The following NCOA6 variants were observed in gnomAD, a reference collection of about 807,000 sequenced individuals.
The protein encoded by NCOA6 is NRC RAP250.
In NCOA6, 49 loss-of-function variants were observed where a neutral mutation model predicts 171.4. That is an observed-to-expected ratio of 0.29 (90% CI 0.23 to 0.36). The LOEUF (loss-of-function observed/expected upper bound fraction) is 0.36, where lower values mean the gene tolerates loss of function less well. Among genes scored for constraint, NCOA6 ranks in the 10% least tolerant of loss-of-function variants. The pLI, the probability that NCOA6 is intolerant of heterozygous loss-of-function variation, is 1.00. For missense variants in NCOA6, 2,248 were observed against 2,554.5 expected (o/e 0.88, Z 2.59); for synonymous variants, 910 against 927.5 (o/e 0.98, Z 0.34).
chr20:34,790,424 G>A (rs1042815396), intron 2 of NCOA6, among the ~76,000 whole-genome samples: 4 of 151,942 alleles, frequency 2.6e-5, no homozygotes, highest in East Asian at 1.9e-4. Flanking sequence ...GTGTGACCTC[G>A]GCTCACTGTA....
intron 1 of NCOA6, among the ~76,000 whole-genome samples, chr20:34,808,167 G>C (rs913160102): frequency 1.3e-5 from 2 of 150,520 alleles, no homozygotes; most frequent in Non-Finnish European, 3.0e-5. Context: ...AAAAAAAAAA[G>C]AAACAGTGTC....
At chr20:34,757,150 A>G in intron 7 of NCOA6, 70 bp downstream of exon 7, 1 of 1,444,512 alleles carries the variant, frequency 6.9e-7, no homozygotes, top group African/African-American at 1.4e-5. Context: ...CATTAACTCT[A>G]AAAACTGAAG....
intron 12 of NCOA6, 59 bp downstream of exon 12, chr20:34,736,631 G>A (rs1466131947): frequency 5.1e-6 from 7 of 1,374,658 alleles, no homozygotes; most frequent in Non-Finnish European, 7.1e-6. Context: ...GAGGACAGCA[G>A]TAGTTCCTTC....
intron 4 of NCOA6, among the ~76,000 whole-genome samples, chr20:34,772,963 C>A (rs1173460362): frequency 5.3e-5 from 8 of 152,164 alleles, no homozygotes; most frequent in Admixed American, 5.2e-4. Flanking sequence ...ATACTGCTAT[C>A]ATTCCCCTAT....
chr20:34,742,641 C>T lies in NCOA6; in HGVS notation c.3615G>A (p.Gln1205=). Residue 1205 remains glutamine (Q), a synonymous_variant, in exon 11 of 15, where the codon CAG becomes CAA. Transcript: ENST00000359003. ...TGTTTGGTGTTTTGGGCCTAGATGT[C>T]TGGGTTGGCGCAGCCACATTTGGGA... ...HHFPNVAAPT[Q]TSRPKTPNRA... 1.9e-6 allele frequency: 3 copies of T among 1,614,068 alleles called. No individual in the cohort carries two copies. The highest frequency in any genetic ancestry group is 2.5e-6 in the Non-Finnish European group (3 of 1,180,016).
chr20:34,767,108 T>C (rs2145948411), intron 5 of NCOA6, among the ~76,000 whole-genome samples: 1 of 152,314 alleles, frequency 6.6e-6, no homozygotes, highest in South Asian at 2.1e-4. Flanking sequence ...GCTACACTGC[T>C]CAGGGCTCTT....
At chr20:34,769,017 G>A (rs1021074153) in intron 4 of NCOA6, among the ~76,000 whole-genome samples, 7 of 152,090 alleles carry the variant, frequency 4.6e-5, no homozygotes, top group Non-Finnish European at 8.8e-5. Context: ...TAGGTTTAAA[G>A]AAGAAAGAAC....
intron 2 of NCOA6, among the ~76,000 whole-genome samples, chr20:34,787,133 A>C (rs1317276186): frequency 9.9e-5 from 15 of 151,860 alleles, no homozygotes; most frequent in Non-Finnish European, 2.1e-4. Flanking sequence ...AAAAAAAAAA[A>C]ACAACCCCAT....
intron 2 of NCOA6, among the ~76,000 whole-genome samples, chr20:34,790,076 A>AG (rs2146307045): frequency 7.1e-6 from 1 of 141,124 alleles, no homozygotes; most frequent in Non-Finnish European, 1.5e-5. Flanking sequence ...TCTACTATTA[A>AG]AAAAAAAAAA....
chr20:34,768,031 T>C (rs2077032526), intron 5 of NCOA6, among the ~76,000 whole-genome samples: 1 of 152,134 alleles, frequency 6.6e-6, no homozygotes, highest in South Asian at 2.1e-4. Flanking sequence ...TAAAAACACA[T>C]ATTCTCTCAG....
intron 14 of NCOA6, among the ~76,000 whole-genome samples, chr20:34,720,605 C>T (rs1001466841): frequency 6.6e-6 from 1 of 152,218 alleles, no homozygotes; most frequent in Non-Finnish European, 1.5e-5. Flanking sequence ...ATGAAAAACA[C>T]AGAATGTCTC....
intron 1 of NCOA6, among the ~76,000 whole-genome samples, chr20:34,805,596 T>C (rs2078422523): frequency 6.6e-6 from 1 of 152,186 alleles, no homozygotes; most frequent in Non-Finnish European, 1.5e-5. Flanking sequence ...CATGAGAATG[T>C]AGATGTCTCT....
chr20:34,776,545 G>A, intron 3 of NCOA6, 97 bp from the exon 4 acceptor site: 1 of 1,377,778 alleles, frequency 7.3e-7, no homozygotes, highest in Non-Finnish European at 1.0e-6. Flanking sequence ...GAATAAGGTG[G>A]AGCACCAGCT....
At chr20:34,818,629 T>C (rs1034846720) in intron 1 of NCOA6, among the ~76,000 whole-genome samples, 3 of 152,232 alleles carry the variant, frequency 2.0e-5, no homozygotes, top group African/African-American at 7.2e-5. Flanking sequence ...CACTGTCTCA[T>C]CTCCAAGTAT....
At position 34,749,747 on chromosome 20, in the gene NCOA6, C is replaced by T; in HGVS notation, c.2448G>A (p.Gln816=). 1 of 1,614,202 alleles carries T rather than the reference C, an allele frequency of 6.2e-7. No homozygotes were observed. Among genetic ancestry groups the T allele is most frequent in the South Asian group, 1.1e-5 (1 of 91,084 alleles). ...GTTGAATGCTAACATCAGGCATCAT[C>T]TGAGATAAACTGACATCGTTATTTG... The part of the protein sequence containing the change: ...TTANNDVSLS[Q]MMPDVSIQQT... Residue 816 remains glutamine, a synonymous_variant, in exon 9 of 15, where the codon CAG becomes CAA. Transcript: ENST00000359003.
rs768338853 is a variant in NCOA6, at chr20:34,743,032, C to T, written c.3224G>A (p.Ser1075Asn). The change falls in exon 11 of 15, where the codon AGT becomes AAT. Residue 1075 changes from serine (S) to asparagine (N), a missense_variant. Physicochemically the swap from Ser to Asn is conservative, Grantham distance 46. This residue lies in a region of NCOA6 where 352 missense variants were observed against 419.1 expected (regional missense o/e 0.84). Coordinates refer to ENST00000359003, the MANE Select transcript of NCOA6 (RefSeq NM_014071.5). ...SQRMPMQQSG[S>N]VPVMVSLQGP... Reference sequence around the variant, plus strand: ...TTGCAGACTGACCATGACAGGCACACTGCCACTCTGTTGCATGGGCATTCT... The same window carrying T: ...TTGCAGACTGACCATGACAGGCACATTGCCACTCTGTTGCATGGGCATTCT... 6.2e-7 allele frequency: 1 copy of T among 1,613,898 alleles called. No individual in the cohort carries two copies. The highest frequency in any genetic ancestry group is 8.5e-7 in the Non-Finnish European group (1 of 1,179,802).
At position 34,782,109 on chromosome 20, in the gene NCOA6, A is replaced by G; in HGVS notation, c.235+12T>C. 6.6e-7 allele frequency: 1 copy of G among 1,514,740 alleles called. No individual in the cohort carries two copies. The highest frequency in any genetic ancestry group is 9.0e-7 in the Non-Finnish European group (1 of 1,109,382). 93.8% of individuals were successfully genotyped at this position (1,514,740 alleles called of 1,614,324 possible). A position where few individuals can be genotyped will look rare whatever the true frequency, so the allele number is the denominator to read the frequency against. On this transcript the variant is annotated intron_variant, in intron 3 of 14. Transcript: ENST00000359003. ...ACAGTAACAGGAAGAAAAAATAATTAAAGCAAATTACCCATGTGTAACAAA... is the reference window on the plus strand; with the variant it reads ...ACAGTAACAGGAAGAAAAAATAATTGAAGCAAATTACCCATGTGTAACAAA...
intron 9 of NCOA6, among the ~76,000 whole-genome samples, chr20:34,747,608 A>C (rs1348905885): frequency 6.6e-6 from 1 of 152,180 alleles, no homozygotes; most frequent in African/African-American, 2.4e-5. Flanking sequence ...TTTTGTTTGT[A>C]ATCTCAGTAC....
intron 2 of NCOA6, among the ~76,000 whole-genome samples, chr20:34,786,367 G>A (rs1162492007): frequency 6.6e-6 from 1 of 151,950 alleles, no homozygotes; most frequent in African/African-American, 2.4e-5. Flanking sequence ...TCTATTCTTG[G>A]TTATTTCTTG....
Sources: gnomAD v4.1 joint callset for allele counts (sites outside exome capture counted in the v4.1 genomes callset) on GRCh38, gnomAD v4.1.1 for gene constraint, gnomAD v4.1.1 regional missense constraint, MANE v1.5 for transcripts, NCBI Gene and HGNC (gene_info 2026-07-23, HGNC 2026-07-21) for gene names.